PTPRG: variants seen among roughly 807,000 people sequenced by gnomAD.
PTPRG encodes receptor-type tyrosine-protein phosphatase gamma.
PTPRG carries 102 observed loss-of-function variants against 165.3 expected under a neutral mutation model. The observed-to-expected ratio is 0.62, with a 90% confidence interval of 0.53 to 0.73. The LOEUF (loss-of-function observed/expected upper bound fraction) is 0.73, where lower values mean the gene tolerates loss of function less well. PTPRG is among the 30% of genes least tolerant of loss of function. PTPRG has a pLI of 0.00. For synonymous variants in PTPRG, 675 were observed against 669.5 expected (o/e 1.01, Z -0.13); for missense variants, 1,866 against 1,861.4 (o/e 1.00, Z -0.05).
At chr3:61,728,165 A>C (rs568770111) in intron 1 of PTPRG, among the ~76,000 whole-genome samples, 22 of 152,236 alleles carry the variant, frequency 1.4e-4, no homozygotes, top group Non-Finnish European at 1.0e-4. Flanking sequence ...GTCCCATATG[A>C]TTTACTTTCT....
intron 15 of PTPRG, among the ~76,000 whole-genome samples, chr3:62,244,687 T>C: frequency 6.6e-6 from 1 of 152,216 alleles, no homozygotes; most frequent in Non-Finnish European, 1.5e-5. Context: ...ATCTGCCCTA[T>C]TCTCCATAAT....
intron 1 of PTPRG, among the ~76,000 whole-genome samples, chr3:61,687,842 G>A (rs1476477061): frequency 6.6e-6 from 1 of 152,282 alleles, no homozygotes; most frequent in East Asian, 1.9e-4. Flanking sequence ...CAGTTTTATA[G>A]TAGGATTATG....
Position 62,271,439 on chromosome 3 carries a change from C to T in PTPRG, c.3066C>T (p.His1022=), listed in dbSNP as rs1035893377. ...RQNERVVIQY[H]YTQWPDMGVP... ...ATGAAAGGGTAGTGATCCAGTATCACTATACACAGTGGCCTGACATGGGAG... is the reference window on the plus strand; with the variant it reads ...ATGAAAGGGTAGTGATCCAGTATCATTATACACAGTGGCCTGACATGGGAG... Residue 1022 remains histidine (H), a synonymous_variant, in exon 21 of 30, where the codon CAC becomes CAT. Coordinates refer to ENST00000474889, the MANE Select transcript of PTPRG (RefSeq NM_002841.4). This position sits in a 1 kb window ranked among gnomAD's most constrained non-coding sequence, Gnocchi z 4.1. The T allele has an allele frequency of 1.2e-6, 2 of 1,613,676 alleles. No individual in the cohort carries two copies. Among genetic ancestry groups the T allele is most frequent in the Non-Finnish European group, 8.5e-7 (1 of 1,179,606 alleles).
At chr3:61,609,044 C>T (rs1023639234) in intron 1 of PTPRG, among the ~76,000 whole-genome samples, 2 of 152,136 alleles carry the variant, frequency 1.3e-5, no homozygotes, top group African/African-American at 4.8e-5. Flanking sequence ...GATACGGAAG[C>T]CTTTGGTCTC....
chr3:61,817,648 C>T (rs904439420), intron 2 of PTPRG, among the ~76,000 whole-genome samples: 7 of 152,126 alleles, frequency 4.6e-5, no homozygotes, highest in South Asian at 2.1e-4. Context: ...ACGAGACCTG[C>T]GTGGAATTGG....
At chr3:61,686,325 C>T (rs565629995) in intron 1 of PTPRG, among the ~76,000 whole-genome samples, 3 of 152,232 alleles carry the variant, frequency 2.0e-5, no homozygotes, top group South Asian at 4.1e-4. Context: ...AGAATTTGGC[C>T]CATACTAGCC....
intron 1 of PTPRG, among the ~76,000 whole-genome samples, chr3:61,605,493 G>T (rs7640394): frequency 0.12 from 18,696 of 151,842 alleles, 1,349 homozygotes; most frequent in African/African-American, 0.2. Context: ...GGACCTCAGG[G>T]GATCTGTCCA....
chr3:62,290,408 G>C lies in PTPRG; in HGVS notation c.4056-2013G>C, dbSNP rs553817990. Reference sequence around the variant, plus strand: ...CACGATGGAGTCGGGTGGAAGGTCAGAGTTATTTGGACATCAGTGTACCAG... The same window carrying C: ...CACGATGGAGTCGGGTGGAAGGTCACAGTTATTTGGACATCAGTGTACCAG... On this transcript the variant is annotated intron_variant, in intron 28 of 29. Coordinates refer to ENST00000474889, the MANE Select transcript of PTPRG (RefSeq NM_002841.4). 5.3e-5 allele frequency among the ~76,000 whole-genome samples: 8 copies of C among 152,230 alleles called. No homozygotes were observed. In the South Asian group the frequency reaches 1.7e-3, roughly 32 times the overall value.
intron 2 of PTPRG, among the ~76,000 whole-genome samples, chr3:61,924,827 GC>G (rs1277884212): frequency 2.6e-5 from 4 of 152,310 alleles, no homozygotes; most frequent in African/African-American, 9.6e-5. Context: ...TGTTTCTGTT[GC>G]TCTGAAATTC....
intron 2 of PTPRG, among the ~76,000 whole-genome samples, chr3:61,842,694 A>G (rs940455389): frequency 7.9e-5 from 12 of 151,614 alleles, no homozygotes; most frequent in African/African-American, 2.9e-4. Flanking sequence ...CAAAAAAAAA[A>G]AAAAAAAAAG....
At chr3:62,106,934 G>A (rs776666879) in intron 5 of PTPRG, among the ~76,000 whole-genome samples, 20 of 152,060 alleles carry the variant, frequency 1.3e-4, no homozygotes, top group Non-Finnish European at 8.8e-5. Flanking sequence ...ATATTAATAC[G>A]GGAACCTTAT....
chr3:61,871,151 T>C (rs956627858), intron 2 of PTPRG, among the ~76,000 whole-genome samples: 3 of 131,954 alleles, frequency 2.3e-5, no homozygotes, highest in Non-Finnish European at 4.7e-5. Flanking sequence ...TTGTGTTGTG[T>C]TGTGTTGTGT....
intron 2 of PTPRG, among the ~76,000 whole-genome samples, chr3:61,823,298 C>T (rs908286928): frequency 3.3e-5 from 5 of 152,206 alleles, no homozygotes; most frequent in Non-Finnish European, 7.3e-5. Context: ...TCAAGGGATT[C>T]TCCTGCCTCA....
intron 2 of PTPRG, among the ~76,000 whole-genome samples, chr3:61,853,133 A>C (rs2037011713): frequency 6.6e-6 from 1 of 152,232 alleles, no homozygotes; most frequent in Admixed American, 6.5e-5. Context: ...ACAAAGAGTA[A>C]GAAGTATGTT....
chr3:61,980,032 C>G (rs2040603449), intron 2 of PTPRG, among the ~76,000 whole-genome samples: 1 of 152,060 alleles, frequency 6.6e-6, no homozygotes, highest in Admixed American at 6.6e-5. Context: ...GGAATTTTTC[C>G]CTTTTCCTAC....
At chr3:62,247,689 C>T (rs566729896) in intron 15 of PTPRG, among the ~76,000 whole-genome samples, 40 of 152,244 alleles carry the variant, frequency 2.6e-4, no homozygotes, top group Non-Finnish European at 3.4e-4. Context: ...GTCACAGCCA[C>T]GTTGAATGTT....
chr3:61,642,976 T>C (rs559720682), intron 1 of PTPRG, among the ~76,000 whole-genome samples: 71 of 152,302 alleles, frequency 4.7e-4, no homozygotes, highest in African/African-American at 1.6e-3. Flanking sequence ...AGCTGATCTG[T>C]TCAAGTAACA....
chr3:61,797,858 A>T (rs1021549792), intron 2 of PTPRG, among the ~76,000 whole-genome samples: 1 of 152,094 alleles, frequency 6.6e-6, no homozygotes, highest in African/African-American at 2.4e-5. Context: ...AATGTCAAAA[A>T]GAAGGAAAGA....
Position 62,273,927 on chromosome 3 carries a change from A to G in PTPRG, c.3465+83A>G. On this transcript the variant is annotated intron_variant, in intron 23 of 29. Coordinates refer to ENST00000474889, the MANE Select transcript of PTPRG (RefSeq NM_002841.4). The surrounding 1 kb of genome is among the most constrained non-coding windows in gnomAD (Gnocchi z 4.1). ...AGTTTGGGGGTTATGTCTTCTTTGC[A>G]TTAATGTATACACCGAAATGGATTA... The G allele has an allele frequency of 7.4e-7, 1 of 1,347,234 alleles. No homozygotes were observed. The highest frequency in any genetic ancestry group is 1.0e-6 in the Non-Finnish European group (1 of 961,508). 83.5% of individuals were successfully genotyped at this position (1,347,234 alleles called of 1,614,324 possible). A position where few individuals can be genotyped will look rare whatever the true frequency, so the allele number is the denominator to read the frequency against.
Sources: gnomAD v4.1 joint callset for allele counts (sites outside exome capture counted in the v4.1 genomes callset) on GRCh38, gnomAD v4.1.1 for gene constraint, Gnocchi (gnomAD v3.1) non-coding constraint, MANE v1.5 for transcripts, NCBI Gene and HGNC (gene_info 2026-07-23, HGNC 2026-07-21) for gene names.